ATRNL1: variants seen among roughly 807,000 people sequenced by gnomAD.
ATRNL1 encodes the protein attractin like 1.
Under a neutral mutation model 182.7 loss-of-function variants are expected in ATRNL1, and 95 were observed. That is an observed-to-expected ratio of 0.52 (90% CI 0.44 to 0.62). The LOEUF is 0.62. ATRNL1 is among the 20% of genes least tolerant of loss of function. The probability of loss-of-function intolerance (pLI) is 0.00; values close to 1 mark genes in which losing one functional copy is unlikely to be tolerated. For synonymous variants in ATRNL1, 576 were observed against 568.3 expected, an observed-to-expected ratio of 1.01 and a Z score of -0.19; for missense variants, 1,471 against 1,679.5, an observed-to-expected ratio of 0.88 and a Z score of 2.17.
intron 13 of ATRNL1, 38 bp from the exon 14 acceptor site, chr10:115,281,317 A>G: frequency 6.3e-7 from 1 of 1,590,944 alleles, no homozygotes; most frequent in East Asian, 2.3e-5. Flanking sequence ...TCATTGCTGT[A>G]CAAAGGTGAA....
At chr10:115,756,746 A>G (rs975862502) in intron 27 of ATRNL1, among the ~76,000 whole-genome samples, 24 of 152,034 alleles carry the variant, frequency 1.6e-4, no homozygotes, top group Non-Finnish European at 2.2e-4. Flanking sequence ...TGATCTGTCT[A>G]ATGTTGACAG....
At chr10:115,318,341 AG>A (rs1214055188) in intron 18 of ATRNL1, among the ~76,000 whole-genome samples, 4 of 152,112 alleles carry the variant, frequency 2.6e-5, no homozygotes, top group Admixed American at 1.3e-4. Flanking sequence ...GAAACGGGCC[AG>A]AATTTTCTTT....
intron 15 of ATRNL1, among the ~76,000 whole-genome samples, chr10:115,296,255 C>T (rs782619314): frequency 2.6e-5 from 4 of 152,170 alleles, no homozygotes; most frequent in Non-Finnish European, 5.9e-5. Flanking sequence ...TCCATGCTGC[C>T]TTTCTGGACT....
chr10:115,384,411 C>CT (rs1554952070), intron 19 of ATRNL1, among the ~76,000 whole-genome samples: 1 of 151,928 alleles, frequency 6.6e-6, no homozygotes, highest in Non-Finnish European at 1.5e-5. Context: ...CCAAATACTA[C>CT]TTTTTAATTT....
chr10:115,701,633 C>A (rs782671414), intron 26 of ATRNL1, among the ~76,000 whole-genome samples: 3 of 151,774 alleles, frequency 2.0e-5, no homozygotes, highest in Non-Finnish European at 4.4e-5. Flanking sequence ...GCCAATCCTG[C>A]GAAAATATAA....
chr10:115,893,180 AAT>A (rs1952122301), intron 28 of ATRNL1, among the ~76,000 whole-genome samples: 1 of 152,182 alleles, frequency 6.6e-6, no homozygotes, highest in South Asian at 2.1e-4. Context: ...GCTGGATTTC[AAT>A]ATCTTAGGCA....
At chr10:115,534,047 G>A (rs1433050215) in intron 25 of ATRNL1, among the ~76,000 whole-genome samples, 19 of 151,620 alleles carry the variant, frequency 1.3e-4, no homozygotes, top group Non-Finnish European at 2.1e-4. Flanking sequence ...TTTGGAATAG[G>A]TGTGGTGTGG....
intron 24 of ATRNL1, among the ~76,000 whole-genome samples, chr10:115,504,419 C>T (rs2133645857): frequency 6.6e-6 from 1 of 152,068 alleles, no homozygotes; most frequent in East Asian, 1.9e-4. Flanking sequence ...TGGACTAGTC[C>T]ACCTAAAGCC....
At chr10:115,762,766 G>A (rs1305146649) in intron 27 of ATRNL1, among the ~76,000 whole-genome samples, 8 of 152,086 alleles carry the variant, frequency 5.3e-5, no homozygotes, top group Admixed American at 5.2e-4. Context: ...AGTTTTAAAT[G>A]TAACCAGTTA....
chr10:115,321,003 C>T (rs1414604351), intron 18 of ATRNL1, among the ~76,000 whole-genome samples: 1 of 152,078 alleles, frequency 6.6e-6, no homozygotes, highest in Non-Finnish European at 1.5e-5. Flanking sequence ...TCTTTCTCAT[C>T]TTCTTGAGTT....
intron 28 of ATRNL1, among the ~76,000 whole-genome samples, chr10:115,906,140 A>G (rs1306066899): frequency 6.6e-6 from 1 of 152,222 alleles, no homozygotes; most frequent in Non-Finnish European, 1.5e-5. Context: ...TGACTTTACA[A>G]CAAGTAAATA....
intron 26 of ATRNL1, among the ~76,000 whole-genome samples, chr10:115,630,727 G>A (rs533749979): frequency 6.8e-6 from 1 of 146,222 alleles, no homozygotes. Context: ...ATATTTAATA[G>A]ATATCATATA....
chr10:115,341,750 C>A (rs1855762656), intron 19 of ATRNL1, among the ~76,000 whole-genome samples: 1 of 151,990 alleles, frequency 6.6e-6, no homozygotes, highest in Admixed American at 6.6e-5. Flanking sequence ...GAATTGACCG[C>A]TTTATCATTA....
chr10:115,522,411 A>C (rs1292517270), intron 25 of ATRNL1, among the ~76,000 whole-genome samples: 1 of 152,140 alleles, frequency 6.6e-6, no homozygotes, highest in Non-Finnish European at 1.5e-5. Context: ...CTTGGGAACT[A>C]ATAGAGTGAG....
In ATRNL1 at chr10:115,381,432, A is replaced by ATTTTTTTTTTTTTTTTTTTTTTT. The variant is rs375127246; in HGVS notation, c.3176-13210_3176-13209insTTTTTTTTTTTTTTTTTTTTTTT. Among the ~76,000 whole-genome samples, 364 of 68,464 alleles carry ATTTTTTTTTTTTTTTTTTTTTTT rather than the reference A, an allele frequency of 5.3e-3. 62 individuals are homozygous for ATTTTTTTTTTTTTTTTTTTTTTT. The highest frequency in any genetic ancestry group is 0.017 in the African/African-American group (280 of 16,648). The allele number at this position is 68,464 out of a possible 152,430, so 44.9% of individuals were successfully genotyped here. ...CAGGCACATGCCACCATACCTGGCA[A>ATTTTTTTTTTTTTTTTTTTTTTT]TTTTTTTTTTTTTTTTTAGTAGACA... On this transcript the variant is annotated intron_variant, in intron 19 of 28. Transcript: ENST00000355044.
At chr10:115,747,556 G>A (rs1349520038) in intron 27 of ATRNL1, among the ~76,000 whole-genome samples, 1 of 152,030 alleles carries the variant, frequency 6.6e-6, no homozygotes, top group Non-Finnish European at 1.5e-5. Flanking sequence ...ATTCTTTGTG[G>A]TTGTATGAGA....
At chr10:115,851,958 C>G (rs1355335541) in intron 28 of ATRNL1, among the ~76,000 whole-genome samples, 1 of 152,104 alleles carries the variant, frequency 6.6e-6, no homozygotes, top group African/African-American at 2.4e-5. Context: ...GCATGGTCCC[C>G]AAGCGTTTTA....
chr10:115,366,729 G>A (rs1366056850), intron 19 of ATRNL1, among the ~76,000 whole-genome samples: 1 of 151,788 alleles, frequency 6.6e-6, no homozygotes, highest in East Asian at 1.9e-4. Context: ...GACAAAATCG[G>A]TTAGCATTTG....
At chr10:115,637,115 G>C (rs1448191531) in intron 26 of ATRNL1, among the ~76,000 whole-genome samples, 1 of 152,174 alleles carries the variant, frequency 6.6e-6, no homozygotes, top group East Asian at 1.9e-4. Context: ...TAACAGAGAA[G>C]AATGTCCATG....
Sources: gnomAD v4.1 joint callset for allele counts (sites outside exome capture counted in the v4.1 genomes callset) on GRCh38, gnomAD v4.1.1 for gene constraint, MANE v1.5 for transcripts, NCBI Gene and HGNC (gene_info 2026-07-23, HGNC 2026-07-21) for gene names.